FBXO34: variants seen among roughly 807,000 people sequenced by gnomAD.
FBXO34 encodes F-box protein 34.
In FBXO34, 12 loss-of-function variants were observed where a neutral mutation model predicts 24.5. The ratio of observed to expected loss-of-function variants is 0.49; its 90% CI spans 0.31 to 0.79. FBXO34 has a LOEUF of 0.79. Ranked by LOEUF, FBXO34 falls within the 30% of genes least tolerant of loss-of-function variation. The pLI, the probability that FBXO34 is intolerant of heterozygous loss-of-function variation, is 0.04. For synonymous variants in FBXO34, 320 were observed against 311.9 expected (o/e 1.03, Z -0.27); for missense variants, 823 against 857.7 (o/e 0.96, Z 0.51).
the FBXO34 span, chr14:55,436,833 G>T: frequency 6.2e-7 from 1 of 1,614,230 alleles, no homozygotes; most frequent in Non-Finnish European, 8.5e-7. Context: ...TGACAGGCTG[G>T]TCTTTATTTT....
At chr14:55,390,523 G>A in the FBXO34 span, among the ~76,000 whole-genome samples, 9 of 152,022 alleles carry the variant, frequency 5.9e-5, no homozygotes, top group South Asian at 2.1e-4. Flanking sequence ...ACAGGCACCC[G>A]CCACCACACC....
At chr14:55,330,189 G>C (rs996967395) in intron 1 of FBXO34, among the ~76,000 whole-genome samples, 1 of 152,142 alleles carries the variant, frequency 6.6e-6, no homozygotes, top group Non-Finnish European at 1.5e-5. Flanking sequence ...ATTTTAACCT[G>C]ATTGGTGGGT....
At chr14:55,376,864 G>A in the FBXO34 span, among the ~76,000 whole-genome samples, 235 of 152,310 alleles carry the variant, frequency 1.5e-3, 2 homozygotes, top group African/African-American at 5.4e-3. Context: ...TGCATGGATG[G>A]AACGAAAGCT....
At chr14:55,365,082 A>T (rs2140107641), downstream of FBXO34, among the ~76,000 whole-genome samples, 1 of 146,784 alleles carries the variant, frequency 6.8e-6, no homozygotes, top group Middle Eastern at 3.5e-3. Context: ...AAAAAAAGCC[A>T]GGTGTGGTGG....
At chr14:55,296,409 T>TTTTTTTG (rs1182969885) in intron 1 of FBXO34, among the ~76,000 whole-genome samples, 1 of 141,858 alleles carries the variant, frequency 7.0e-6, no homozygotes, top group Non-Finnish European at 1.5e-5. Flanking sequence ...TTTTTTTTTT[T>TTTTTTTG]TTTTTTGAGA....
At chr14:55,276,386 G>A (rs929104644) in intron 1 of FBXO34, among the ~76,000 whole-genome samples, 1 of 151,886 alleles carries the variant, frequency 6.6e-6, no homozygotes, top group Non-Finnish European at 1.5e-5. Context: ...CCTATCTATC[G>A]GTCTATCCAT....
chr14:55,399,878 A>G, the FBXO34 span, among the ~76,000 whole-genome samples: 2 of 152,248 alleles, frequency 1.3e-5, no homozygotes, highest in African/African-American at 4.8e-5. Context: ...TGTCTAGCTT[A>G]ATAGTGAGCT....
the FBXO34 span, among the ~76,000 whole-genome samples, chr14:55,421,284 T>C: frequency 6.6e-6 from 1 of 152,160 alleles, no homozygotes; most frequent in East Asian, 1.9e-4. Context: ...CTCTGATATC[T>C]ACACTATTCA....
At chr14:55,358,368 T>C (rs571135580), downstream of FBXO34, among the ~76,000 whole-genome samples, 12 of 152,292 alleles carry the variant, frequency 7.9e-5, no homozygotes, top group Admixed American at 5.2e-4. Context: ...GGTGTAGATA[T>C]AGGGACAAGC....
chr14:55,329,698 CTTTT>C (rs1167733828), intron 1 of FBXO34, among the ~76,000 whole-genome samples: 1 of 151,728 alleles, frequency 6.6e-6, no homozygotes, highest in Non-Finnish European at 1.5e-5. Flanking sequence ...GCTTGAAGTC[CTTTT>C]TTTTAAGACC....
At chr14:55,273,144 T>A (rs779425994) in intron 1 of FBXO34, among the ~76,000 whole-genome samples, 40 of 151,904 alleles carry the variant, frequency 2.6e-4, no homozygotes, top group Non-Finnish European at 3.7e-4. Context: ...CCTTAATCCT[T>A]CCTCACTGAC....
Position 55,351,865 on chromosome 14 carries a change from C to T in FBXO34, c.1475C>T (p.Ser492Leu). 6.2e-7 allele frequency: 1 copy of T among 1,614,148 alleles called. No individual in the cohort carries two copies. Among genetic ancestry groups the T allele is most frequent in the Non-Finnish European group, 8.5e-7 (1 of 1,180,026 alleles). ...TTTTTGCCACCTGGTCAGCACTTGT[C>T]AGACTATTCCCAGTTGAATGAAAGC... ...LFFLPPGQHLSDYSQLNESTT... is the reference protein window; with the variant it reads ...LFFLPPGQHLLDYSQLNESTT... The change falls in exon 2 of 2, where the codon TCA becomes TTA. Residue 492 changes from serine (S) to leucine (L), a missense_variant. Ser to Leu is a moderately radical substitution (Grantham distance 145). Transcript: ENST00000313833.
At chr14:55,407,245 C>T in the FBXO34 span, among the ~76,000 whole-genome samples, 1 of 152,240 alleles carries the variant, frequency 6.6e-6, no homozygotes, top group Non-Finnish European at 1.5e-5. Flanking sequence ...TCTCCTGCCT[C>T]AGCCTCCTGA....
the FBXO34 span, among the ~76,000 whole-genome samples, chr14:55,385,050 A>G: frequency 9.2e-5 from 14 of 152,326 alleles, no homozygotes; most frequent in Admixed American, 4.6e-4. Context: ...TCAGTGCTTG[A>G]TAACAGTTAT....
chr14:55,349,157 G>C (rs565367048), intron 1 of FBXO34, among the ~76,000 whole-genome samples: 1 of 152,046 alleles, frequency 6.6e-6, no homozygotes, highest in Non-Finnish European at 1.5e-5. Flanking sequence ...TATGTAAATT[G>C]TACATTGACA....
intron 3 of FBXO34, among the ~76,000 whole-genome samples, chr14:55,360,525 G>T (rs1288846175): frequency 6.6e-6 from 1 of 152,018 alleles, no homozygotes; most frequent in South Asian, 2.1e-4. Context: ...TCCTCCATGG[G>T]TCTTAAACCC....
At chr14:55,438,182 G>T in the FBXO34 span, among the ~76,000 whole-genome samples, 1 of 152,192 alleles carries the variant, frequency 6.6e-6, no homozygotes, top group Non-Finnish European at 1.5e-5. Flanking sequence ...GGTCAGGAAT[G>T]CACCGTGTTG....
the FBXO34 span, chr14:55,411,606 C>T: frequency 6.2e-7 from 1 of 1,607,720 alleles, no homozygotes. Flanking sequence ...CCGTACCTCT[C>T]CCGGTCGCGG....
the FBXO34 span, among the ~76,000 whole-genome samples, chr14:55,432,149 T>G: frequency 9.2e-5 from 14 of 151,838 alleles, no homozygotes; most frequent in South Asian, 2.1e-4. Flanking sequence ...AGCTCACGCC[T>G]GTAATCCCAG....
Sources: gnomAD v4.1 joint callset for allele counts (sites outside exome capture counted in the v4.1 genomes callset) on GRCh38, gnomAD v4.1.1 for gene constraint, MANE v1.5 for transcripts, NCBI Gene and HGNC (gene_info 2026-07-23, HGNC 2026-07-21) for gene names.